SUCLG2: variants seen among roughly 807,000 people sequenced by gnomAD.
SUCLG2 encodes the protein succinate-CoA ligase GDP-forming subunit beta.
A neutral mutation model predicts 47.9 loss-of-function variants in SUCLG2; 42 were observed. That is an observed-to-expected ratio of 0.88 (90% CI 0.69 to 1.14). The LOEUF (loss-of-function observed/expected upper bound fraction) is 1.14, where lower values mean the gene tolerates loss of function less well. Ranked by LOEUF, SUCLG2 falls within the 50% of genes most tolerant of loss-of-function variation. The pLI is 0.00. For missense variants in SUCLG2, 571 were observed against 525.9 expected (o/e 1.09, Z -0.84); for synonymous variants, 195 against 197.3 (o/e 0.99, Z 0.10).
At chr3:67,399,673 C>A (rs755977991) in intron 10 of SUCLG2, among the ~76,000 whole-genome samples, 37 of 152,138 alleles carry the variant, frequency 2.4e-4, no homozygotes, top group Middle Eastern at 6.8e-3. Flanking sequence ...TCTGCATAAT[C>A]ACAAATTTTC....
chr3:67,590,706 T>G (rs1708136872), intron 2 of SUCLG2, among the ~76,000 whole-genome samples: 1 of 152,240 alleles, frequency 6.6e-6, no homozygotes. Flanking sequence ...ATGAGCCAAT[T>G]AAACCTCTTT....
In SUCLG2 at chr3:67,522,166, T is replaced by G. The variant is rs112960195; in HGVS notation, c.418-1532A>C. Among the ~76,000 whole-genome samples, 623 of 152,010 alleles carry G rather than the reference T, an allele frequency of 4.1e-3. 19 individuals carry two copies. Among genetic ancestry groups the G allele is most frequent in the African/African-American group, 0.014 (584 of 41,308 alleles). The stretch of plus-strand genomic sequence containing the variant: ...ACCTCCCAGGTTCAAACGAATCTCC[T>G]GAGTAGCTGAAACTACAGGCACGTG... On this transcript the variant is annotated intron_variant, in intron 4 of 10. Coordinates refer to ENST00000307227, the MANE Select transcript of SUCLG2 (RefSeq NM_003848.4).
intron 2 of SUCLG2, among the ~76,000 whole-genome samples, chr3:67,585,666 A>G (rs548536290): frequency 6.6e-6 from 1 of 152,190 alleles, no homozygotes; most frequent in East Asian, 1.9e-4. Context: ...CTTGTCCACC[A>G]AGAGTACTGC....
chr3:67,552,172 CAAAAAAAAAAAAAA>C (rs55687048), intron 2 of SUCLG2, among the ~76,000 whole-genome samples: 1 of 75,494 alleles, frequency 1.3e-5, no homozygotes, highest in Admixed American at 1.5e-4. Flanking sequence ...AACTCCATCT[CAAAAAAAAAAAAAA>C]AAAAAAGAAA....
chr3:67,616,334 T>A (rs952075008), intron 1 of SUCLG2, among the ~76,000 whole-genome samples: 2 of 152,112 alleles, frequency 1.3e-5, no homozygotes, highest in Non-Finnish European at 2.9e-5. Flanking sequence ...GGCACAAGAC[T>A]AAAAGAAACC....
intron 5 of SUCLG2, among the ~76,000 whole-genome samples, chr3:67,520,022 A>G (rs937538146): frequency 1.3e-5 from 2 of 152,226 alleles, no homozygotes; most frequent in Non-Finnish European, 2.9e-5. Context: ...GACTTCATAA[A>G]GATTCTAGTT....
At chr3:67,631,774 T>C (rs888105908) in intron 1 of SUCLG2, among the ~76,000 whole-genome samples, 1 of 152,236 alleles carries the variant, frequency 6.6e-6, no homozygotes, top group African/African-American at 2.4e-5. Flanking sequence ...GAGACTATGA[T>C]GGTCTCAAAG....
intron 6 of SUCLG2, among the ~76,000 whole-genome samples, chr3:67,512,593 C>T (rs1023725925): frequency 2.0e-5 from 3 of 150,832 alleles, no homozygotes; most frequent in Non-Finnish European, 2.9e-5. Context: ...ATAATCTAAT[C>T]CAGCTACTTC....
chr3:67,567,062 T>C (rs934414562), intron 2 of SUCLG2, among the ~76,000 whole-genome samples: 2 of 152,006 alleles, frequency 1.3e-5, no homozygotes, highest in East Asian at 3.9e-4. Context: ...TGTGTGCCTG[T>C]GGTCCCAGCT....
At chr3:67,461,202 G>A (rs775929405) in intron 9 of SUCLG2, among the ~76,000 whole-genome samples, 18 of 151,974 alleles carry the variant, frequency 1.2e-4, no homozygotes, top group African/African-American at 2.9e-4. Flanking sequence ...ACTGAAATAC[G>A]ACCATTAACA....
At chr3:67,618,602 C>A (rs1414205505) in intron 1 of SUCLG2, among the ~76,000 whole-genome samples, 1 of 152,100 alleles carries the variant, frequency 6.6e-6, no homozygotes, top group Non-Finnish European at 1.5e-5. Flanking sequence ...CTAAAAAAAA[C>A]CCATGAGCTT....
At position 67,495,803 on chromosome 3, in the gene SUCLG2, G is replaced by T. The variant is rs1194587084; in HGVS notation, c.1057C>A (p.Pro353Thr). Residue 353 changes from proline to threonine, a missense_variant, in exon 9 of 11, where the codon CCT becomes ACT. By Grantham distance (38) the Pro-to-Thr change is conservative (BLOSUM62 -1). Transcript: ENST00000307227. ...YQAFKLLTAD[P>T]KVEAILVNIF... Reference sequence around the variant, plus strand: ...CCTACAAAGAGAAAGGTTACCTTAGGATCAGCTGTGAGCAATTTGAATGCT... The same window carrying T: ...CCTACAAAGAGAAAGGTTACCTTAGTATCAGCTGTGAGCAATTTGAATGCT... The T allele has an allele frequency of 1.2e-6, 2 of 1,613,578 alleles. No homozygotes were observed. Among genetic ancestry groups the T allele is most frequent in the African/African-American group, 2.7e-5 (2 of 74,886 alleles).
intron 9 of SUCLG2, among the ~76,000 whole-genome samples, chr3:67,411,004 T>C (rs1046856942): frequency 6.6e-6 from 1 of 152,170 alleles, no homozygotes; most frequent in African/African-American, 2.4e-5. Flanking sequence ...TTGATGCATG[T>C]AAATACGTAT....
rs147731140 is a variant in SUCLG2, at chr3:67,555,165, G to T, written c.227-25979C>A. On this transcript the variant is annotated intron_variant, in intron 2 of 10. Coordinates refer to ENST00000307227, the MANE Select transcript of SUCLG2 (RefSeq NM_003848.4). ...GAGAGCAAGTTTCTTGCTGTTGGAGGAACTTCCAAATATGGAAAGGTAGGA... is the reference window on the plus strand; with the variant it reads ...GAGAGCAAGTTTCTTGCTGTTGGAGTAACTTCCAAATATGGAAAGGTAGGA... Among the ~76,000 whole-genome samples, 1,074 of 152,194 alleles carry T rather than the reference G, an allele frequency of 7.1e-3. 13 individuals are homozygous for T. Among genetic ancestry groups the T allele is most frequent in the African/African-American group, 0.025 (1,019 of 41,512 alleles).
chr3:67,632,801 G>C (rs953311951), intron 1 of SUCLG2, among the ~76,000 whole-genome samples: 1 of 152,142 alleles, frequency 6.6e-6, no homozygotes, highest in Non-Finnish European at 1.5e-5. Context: ...CTAACTTCTA[G>C]AGTCTATGAC....
chr3:67,617,047 A>G (rs968237602), intron 1 of SUCLG2, among the ~76,000 whole-genome samples: 1 of 152,240 alleles, frequency 6.6e-6, no homozygotes, highest in African/African-American at 2.4e-5. Context: ...TATGCAAATT[A>G]GCACCGATAA....
intron 1 of SUCLG2, among the ~76,000 whole-genome samples, chr3:67,634,848 T>A (rs912185283): frequency 2.0e-5 from 3 of 152,156 alleles, no homozygotes; most frequent in African/African-American, 7.2e-5. Flanking sequence ...AACCACATGT[T>A]TGAGAATGTG....
intron 5 of SUCLG2, among the ~76,000 whole-genome samples, chr3:67,519,384 A>G (rs76240433): frequency 0.029 from 4,385 of 152,338 alleles, 79 homozygotes; most frequent in South Asian, 0.057. Context: ...AAACGTACAT[A>G]TAGCTCCTAT....
intron 8 of SUCLG2, among the ~76,000 whole-genome samples, chr3:67,496,937 G>C (rs998931830): frequency 1.3e-5 from 2 of 152,158 alleles, no homozygotes; most frequent in Admixed American, 6.5e-5. Flanking sequence ...GGTTTACACA[G>C]AATCTTAAAA....
Sources: allele counts gnomAD v4.1 joint callset (sites outside exome capture counted in the v4.1 genomes callset), GRCh38; gene constraint gnomAD v4.1.1; transcripts MANE v1.5; gene names NCBI Gene and HGNC (gene_info 2026-07-23, HGNC 2026-07-21).